Variants in KCTD16 observed in about 807,000 individuals in gnomAD.
The protein encoded by KCTD16 is potassium channel tetramerization domain containing 16.
A neutral mutation model predicts 33.2 loss-of-function variants in KCTD16; 13 were observed. The ratio of observed to expected loss-of-function variants is 0.39; its 90% CI spans 0.25 to 0.62. KCTD16 has a LOEUF of 0.62. Among genes scored for constraint, KCTD16 ranks in the 20% least tolerant of loss-of-function variants. The probability of loss-of-function intolerance (pLI) is 0.50; values close to 1 mark genes in which losing one functional copy is unlikely to be tolerated. For missense variants in KCTD16, 441 were observed against 525.1 expected, an observed-to-expected ratio of 0.84 and a Z score of 1.57; for synonymous variants, 197 against 195.3, an observed-to-expected ratio of 1.01 and a Z score of -0.07.
At chr5:144,335,166 A>G (rs1752455416) in intron 3 of KCTD16, among the ~76,000 whole-genome samples, 1 of 152,200 alleles carries the variant, frequency 6.6e-6, no homozygotes, top group Non-Finnish European at 1.5e-5. Context: ...CACTCTCCAA[A>G]GCATTCACCC....
intron 3 of KCTD16, among the ~76,000 whole-genome samples, chr5:144,308,307 A>G (rs2126875486): frequency 6.6e-6 from 1 of 152,366 alleles, no homozygotes; most frequent in East Asian, 1.9e-4. Flanking sequence ...CTTCACACAT[A>G]GCACTGAAAA....
At chr5:144,367,564 T>C (rs886187398) in intron 3 of KCTD16, among the ~76,000 whole-genome samples, 1 of 152,148 alleles carries the variant, frequency 6.6e-6, no homozygotes, top group African/African-American at 2.4e-5. Context: ...TGGAGTAAGA[T>C]TGTGTGTCCC....
intron 3 of KCTD16, among the ~76,000 whole-genome samples, chr5:144,452,165 T>TATATATATATATATATATA (rs1561613198): frequency 3.4e-5 from 5 of 148,264 alleles, no homozygotes; most frequent in African/African-American, 1.3e-4. Context: ...TATATATATA[T>TATATATATATATATATATA]TCCTGTCACT....
intron 2 of KCTD16, among the ~76,000 whole-genome samples, chr5:144,183,650 A>C (rs1255500538): frequency 1.3e-5 from 2 of 152,242 alleles, no homozygotes; most frequent in Non-Finnish European, 2.9e-5. Flanking sequence ...TCACACATCC[A>C]GCTAGAACTA....
chr5:144,356,334 A>T (rs1312539065), intron 3 of KCTD16, among the ~76,000 whole-genome samples: 4 of 152,180 alleles, frequency 2.6e-5, no homozygotes, highest in African/African-American at 9.6e-5. Flanking sequence ...TACATATATA[A>T]GTATATACAG....
chr5:144,276,328 T>C (rs1451964644), intron 3 of KCTD16, among the ~76,000 whole-genome samples: 1 of 152,218 alleles, frequency 6.6e-6, no homozygotes, highest in Non-Finnish European at 1.5e-5. Context: ...TTAGTTCACT[T>C]ATTTGCCTTT....
At chr5:144,219,308 G>A (rs760677699) in intron 3 of KCTD16, among the ~76,000 whole-genome samples, 5 of 151,920 alleles carry the variant, frequency 3.3e-5, no homozygotes, top group Non-Finnish European at 7.4e-5. Flanking sequence ...CCATTTCCTG[G>A]GTCCAAGCGA....
At chr5:144,467,291 TC>T (rs1326809199) in intron 3 of KCTD16, among the ~76,000 whole-genome samples, 1 of 151,812 alleles carries the variant, frequency 6.6e-6, no homozygotes, top group East Asian at 1.9e-4. Flanking sequence ...AATCCATTTT[TC>T]TTTTTGGGTG....
chr5:144,348,448 G>A (rs1752861646), intron 3 of KCTD16, among the ~76,000 whole-genome samples: 1 of 152,168 alleles, frequency 6.6e-6, no homozygotes, highest in African/African-American at 2.4e-5. Flanking sequence ...CACGATGTCT[G>A]ACTTTGAATT....
intron 3 of KCTD16, among the ~76,000 whole-genome samples, chr5:144,400,340 G>C (rs1241136260): frequency 6.6e-6 from 1 of 152,172 alleles, no homozygotes; most frequent in Non-Finnish European, 1.5e-5. Context: ...GAGGGAGGAA[G>C]GAGGTGGTTA....
At chr5:144,325,922 T>C (rs1054695526) in intron 3 of KCTD16, among the ~76,000 whole-genome samples, 1 of 152,168 alleles carries the variant, frequency 6.6e-6, no homozygotes, top group African/African-American at 2.4e-5. Flanking sequence ...AAAGATTCCA[T>C]GTAGGGGCTC....
chr5:144,191,951 T>A (rs1197448072), intron 2 of KCTD16, among the ~76,000 whole-genome samples: 1 of 152,140 alleles, frequency 6.6e-6, no homozygotes, highest in Non-Finnish European at 1.5e-5. Context: ...AAAGGCAGAA[T>A]AATTAATAAT....
intron 3 of KCTD16, among the ~76,000 whole-genome samples, chr5:144,278,612 C>T (rs1457620840): frequency 6.6e-6 from 1 of 151,062 alleles, no homozygotes; most frequent in Non-Finnish European, 1.5e-5. Context: ...ATTCTCCTGC[C>T]TCAGCCTCCC....
rs1214884703 is a variant in KCTD16 at position 144,475,700 on chromosome 5, A to T, written c.*1586A>T. 6.6e-6 allele frequency: 1 copy of T among 152,650 alleles called. No homozygotes were observed. The highest frequency in any genetic ancestry group is 1.5e-5 in the Non-Finnish European group (1 of 68,030). The allele number at this position is 152,650 out of a possible 1,614,324, so 9.5% of individuals were successfully genotyped here. A position where few individuals can be genotyped will look rare whatever the true frequency, so the allele number is the denominator to read the frequency against. On this transcript the variant is annotated 3_prime_UTR_variant, in exon 4 of 4. Transcript: ENST00000512467. ...GCATGTGTGTATGTGTATCACAGGT[A>T]ATAAAGGCAATTGGATGATATCTGT...
intron 3 of KCTD16, among the ~76,000 whole-genome samples, chr5:144,327,337 T>C (rs563346903): frequency 6.6e-6 from 1 of 152,122 alleles, no homozygotes; most frequent in Non-Finnish European, 1.5e-5. Flanking sequence ...TCTTCTAGAA[T>C]AGCTTTGTGC....
At chr5:144,248,621 TAGG>T (rs1433853487) in intron 3 of KCTD16, among the ~76,000 whole-genome samples, 1 of 152,150 alleles carries the variant, frequency 6.6e-6, no homozygotes, top group Non-Finnish European at 1.5e-5. Context: ...GGAGACCCAT[TAGG>T]AGGCCATTCC....
intron 3 of KCTD16, among the ~76,000 whole-genome samples, chr5:144,387,718 G>C (rs1009948468): frequency 6.6e-6 from 1 of 152,168 alleles, no homozygotes. Context: ...GACTTTGTAG[G>C]TGTAGCTTTC....
chr5:144,228,185 G>A lies in KCTD16; in HGVS notation c.832+20639G>A, dbSNP rs73794910. Among the ~76,000 whole-genome samples, 286 of 152,276 alleles carry A rather than the reference G, an allele frequency of 1.9e-3. 2 individuals are homozygous for A. Among genetic ancestry groups the A allele is most frequent in the African/African-American group, 6.4e-3 (266 of 41,564 alleles). ...AAAGAGAGTAGGTCCGAGAATGGAGGTCTAAGCACTCAAGTGTTAAGACCT... is the reference window on the plus strand; with the variant it reads ...AAAGAGAGTAGGTCCGAGAATGGAGATCTAAGCACTCAAGTGTTAAGACCT... On this transcript the variant is annotated intron_variant, in intron 3 of 3. Transcript: ENST00000512467.
chr5:144,328,182 G>T (rs963755668), intron 3 of KCTD16, among the ~76,000 whole-genome samples: 2 of 152,150 alleles, frequency 1.3e-5, no homozygotes, highest in African/African-American at 4.8e-5. Context: ...GAGAAATAAA[G>T]AATGAAAAGT....
Sources: gnomAD v4.1 joint callset for allele counts (sites outside exome capture counted in the v4.1 genomes callset) on GRCh38, gnomAD v4.1.1 for gene constraint, MANE v1.5 for transcripts, NCBI Gene and HGNC (gene_info 2026-07-23, HGNC 2026-07-21) for gene names.